The following GABRG3 variants were observed in gnomAD, a reference collection of about 807,000 sequenced individuals.
The protein encoded by GABRG3 is gamma-aminobutyric acid type A receptor subunit gamma3.
A neutral mutation model predicts 48.8 loss-of-function variants in GABRG3; 25 were observed. The ratio of observed to expected loss-of-function variants is 0.51; its 90% CI spans 0.37 to 0.72. GABRG3 has a LOEUF of 0.72. GABRG3 is among the 30% of genes least tolerant of loss of function. GABRG3 has a pLI of 0.00. For synonymous variants in GABRG3, 227 were observed against 217.6 expected (o/e 1.04, Z -0.38); for missense variants, 394 against 577.9 (o/e 0.68, Z 3.26).
intron 3 of GABRG3, among the ~76,000 whole-genome samples, chr15:27,029,493 GCA>G (rs757342946): frequency 2.0e-4 from 30 of 151,742 alleles, no homozygotes; most frequent in Non-Finnish European, 2.5e-4. Flanking sequence ...ACACACACAG[GCA>G]CACACGTACG....
chr15:27,080,734 C>T (rs928573334), intron 3 of GABRG3, among the ~76,000 whole-genome samples: 26 of 152,204 alleles, frequency 1.7e-4, no homozygotes, highest in African/African-American at 5.8e-4. Context: ...CAGTTATGGC[C>T]CTCTGTCCAC....
At chr15:27,349,053 T>G (rs1035210905) in intron 5 of GABRG3, among the ~76,000 whole-genome samples, 5 of 152,126 alleles carry the variant, frequency 3.3e-5, no homozygotes, top group African/African-American at 1.2e-4. Context: ...GAGGGGAGCA[T>G]GGGCAGGAAT....
At chr15:27,424,460 G>A (rs1371002593) in intron 5 of GABRG3, among the ~76,000 whole-genome samples, 1 of 151,960 alleles carries the variant, frequency 6.6e-6, no homozygotes, top group African/African-American at 2.4e-5. Flanking sequence ...CAGATGGGAG[G>A]GAGACAGCTC....
intron 5 of GABRG3, among the ~76,000 whole-genome samples, chr15:27,434,779 G>GTA (rs1888559400): frequency 6.6e-6 from 1 of 152,170 alleles, no homozygotes; most frequent in Non-Finnish European, 1.5e-5. Flanking sequence ...CTCCCCTCTG[G>GTA]TGGCTTTGGT....
chr15:27,324,469 T>C (rs1893537334), intron 3 of GABRG3, among the ~76,000 whole-genome samples: 1 of 152,196 alleles, frequency 6.6e-6, no homozygotes, highest in African/African-American at 2.4e-5. Context: ...AGGTATGTTT[T>C]CACTCTTACT....
chr15:27,405,575 C>T (rs951586257), intron 5 of GABRG3, among the ~76,000 whole-genome samples: 2 of 152,164 alleles, frequency 1.3e-5, no homozygotes, highest in African/African-American at 4.8e-5. Flanking sequence ...AAAAATTTCA[C>T]TTATGCATTC....
chr15:27,033,063 G>T (rs2140688690), intron 3 of GABRG3, among the ~76,000 whole-genome samples: 1 of 152,304 alleles, frequency 6.6e-6, no homozygotes, highest in South Asian at 2.1e-4. Flanking sequence ...GTCAGTAAAT[G>T]TGTCGAGGAG....
chr15:27,358,231 C>T (rs115819139), intron 5 of GABRG3, among the ~76,000 whole-genome samples: 278 of 152,232 alleles, frequency 1.8e-3, no homozygotes, highest in African/African-American at 6.1e-3. Flanking sequence ...CTACCAAACA[C>T]CCCAGTCTGA....
chr15:27,445,278 C>T (rs547116945), intron 5 of GABRG3, among the ~76,000 whole-genome samples: 4 of 152,322 alleles, frequency 2.6e-5, no homozygotes, highest in Non-Finnish European at 4.4e-5. Context: ...AACTGCCAGA[C>T]TGTCTTCCAA....
chr15:27,413,766 T>C (rs1887866648), intron 5 of GABRG3, among the ~76,000 whole-genome samples: 1 of 152,178 alleles, frequency 6.6e-6, no homozygotes, highest in Admixed American at 6.5e-5. Flanking sequence ...TGCAGTTATG[T>C]CTAACTCAAG....
intron 3 of GABRG3, among the ~76,000 whole-genome samples, chr15:27,078,412 T>A (rs1055344945): frequency 6.6e-6 from 1 of 152,224 alleles, no homozygotes; most frequent in African/African-American, 2.4e-5. Flanking sequence ...TTTTGATCAC[T>A]TACTTCTAAC....
chr15:27,204,742 A>G (rs1186668102), intron 3 of GABRG3, among the ~76,000 whole-genome samples: 2 of 152,114 alleles, frequency 1.3e-5, no homozygotes, highest in Non-Finnish European at 1.5e-5. Context: ...TTCTCATTGT[A>G]GAGATCTTTC....
chr15:27,162,914 A>G (rs1175267376), intron 3 of GABRG3, among the ~76,000 whole-genome samples: 1 of 152,092 alleles, frequency 6.6e-6, no homozygotes, highest in East Asian at 1.9e-4. Context: ...AAGGGACTGC[A>G]GCTGTTTTTC....
chr15:27,460,747 C>T (rs1889423189), intron 5 of GABRG3, among the ~76,000 whole-genome samples: 1 of 152,128 alleles, frequency 6.6e-6, no homozygotes, highest in South Asian at 2.1e-4. Context: ...GGCCCGAGGA[C>T]ATGACTACCT....
intron 3 of GABRG3, among the ~76,000 whole-genome samples, chr15:27,114,562 C>A (rs186694463): frequency 1.3e-5 from 2 of 152,264 alleles, no homozygotes; most frequent in African/African-American, 4.8e-5. Flanking sequence ...CTGAAGTGCG[C>A]TTTGCTGTAT....
chr15:27,186,293 T>A (rs1888095511), intron 3 of GABRG3, among the ~76,000 whole-genome samples: 1 of 152,182 alleles, frequency 6.6e-6, no homozygotes. Flanking sequence ...TTAGGTCACT[T>A]AGGATAATGG....
At chr15:27,165,813 C>T (rs1887351251) in intron 3 of GABRG3, among the ~76,000 whole-genome samples, 1 of 152,116 alleles carries the variant, frequency 6.6e-6, no homozygotes, top group Non-Finnish European at 1.5e-5. Context: ...CTGTCTGGGG[C>T]ACCTGTCATA....
At chr15:27,249,240 G>A (rs1890376310) in intron 3 of GABRG3, among the ~76,000 whole-genome samples, 1 of 152,152 alleles carries the variant, frequency 6.6e-6, no homozygotes, top group Non-Finnish European at 1.5e-5. Flanking sequence ...TCCTCCGCGT[G>A]GCCAGGAACA....
intron 3 of GABRG3, among the ~76,000 whole-genome samples, chr15:27,141,663 T>G (rs1460478039): frequency 2.0e-5 from 3 of 152,212 alleles, no homozygotes; most frequent in African/African-American, 7.2e-5. Flanking sequence ...TAGTGGCAGT[T>G]AACAAACTTC....
Sources: allele counts gnomAD v4.1 joint callset (sites outside exome capture counted in the v4.1 genomes callset), GRCh38; gene constraint gnomAD v4.1.1; transcripts MANE v1.5; gene names NCBI Gene and HGNC (gene_info 2026-07-23, HGNC 2026-07-21).